Variants in DYNLT3 observed in about 807,000 individuals in gnomAD.
The protein encoded by DYNLT3 is dynein light chain Tctex-type 3, also known as protein 91/23.
In DYNLT3, 4 loss-of-function variants were observed where a neutral mutation model predicts 11.0. The observed-to-expected ratio is 0.36, with a 90% CI of 0.18 to 0.83. The LOEUF (loss-of-function observed/expected upper bound fraction) is 0.83. Ranked by LOEUF, DYNLT3 falls within the 40% of genes least tolerant of loss-of-function variation. The pLI is 0.47. For synonymous variants in DYNLT3, 37 were observed against 31.2 expected (o/e 1.18, Z -0.61); for missense variants, 91 against 91.1 (o/e 1.00, Z 0.01).
chrX:37,843,657 T>C (rs1315544540), intron 2 of DYNLT3, among the ~76,000 whole-genome samples: 1 of 111,730 alleles, frequency 9.0e-6, no homozygotes, highest in Non-Finnish European at 1.9e-5. Context: ...TCTTCGACGA[T>C]TTTTTGGGGA....
chrX:37,843,958 G>A (rs1455380989), intron 2 of DYNLT3, among the ~76,000 whole-genome samples: 4 of 111,806 alleles, frequency 3.6e-5, no homozygotes, highest in Non-Finnish European at 7.5e-5. Flanking sequence ...TTCATGGGAA[G>A]AGGAAAGATA....
chrX:37,842,090 G>C (rs1458599697), intron 2 of DYNLT3, among the ~76,000 whole-genome samples, 185 bp from the exon 3 acceptor site: 3 of 111,860 alleles, frequency 2.7e-5, no homozygotes, highest in African/African-American at 9.7e-5. Flanking sequence ...TAAGAGTTTT[G>C]AAAGAGTTTC....
rs1187459647 is a variant in DYNLT3 at position 37,839,844 on chromosome X, G to A, written c.*731C>T. On this transcript the variant is annotated 3_prime_UTR_variant, in exon 5 of 5. Coordinates refer to ENST00000378578, the MANE Select transcript of DYNLT3 (RefSeq NM_006520.3). The stretch of plus-strand genomic sequence containing the variant: ...TGCCCATAATAGGCATCTGATAAAT[G>A]TTTGTTCCACATGGAATGAGTGAAT... 1 of 112,393 alleles carries A rather than the reference G, an allele frequency of 8.9e-6. No homozygotes were observed. Among genetic ancestry groups the A allele is most frequent in the Admixed American group, 9.5e-5 (1 of 10,533 alleles). 9.3% of individuals were successfully genotyped at this position (112,393 alleles called of 1,213,427 possible).
Position 37,841,861 on chromosome X carries a change from G to C in DYNLT3, c.117C>G (p.Asn39Lys). 4 of 1,158,010 alleles carry C rather than the reference G, an allele frequency of 3.5e-6. No homozygotes were observed. Among genetic ancestry groups the C allele is most frequent in the Non-Finnish European group, 4.7e-6 (4 of 859,030 alleles). ...CTATGCTTGCAGTCCACTGGTTGAT[G>C]TTGTTGTGATTATAATCTTCACCAC... is the stretch of plus-strand genomic sequence containing the variant. ...VLGGEDYNHN[N>K]INQWTASIVE... The change falls in exon 3 of 5, where the codon AAC becomes AAG. Residue 39 changes from asparagine (N) to lysine (K), a missense_variant. Physicochemically the swap from Asn to Lys is moderately conservative, Grantham distance 94. Transcript: ENST00000378578.
In DYNLT3 at chrX:37,846,348, TTGAAG is replaced by T; in HGVS notation, c.36_40del (p.Phe13CysfsTer2). 1 of 1,208,048 alleles carries T rather than the reference TTGAAG, an allele frequency of 8.3e-7. No homozygotes were observed. The highest frequency in any genetic ancestry group is 1.7e-5 in the African/African-American group (1 of 57,702). ...GACAATATTGTGGGCTTCCTCAGCA[TTGAAG>T]CCAACCTAAAGGGAAAACAAAAGGT... On this transcript the variant is annotated frameshift_variant, in exon 2 of 5. Coordinates refer to ENST00000378578, the MANE Select transcript of DYNLT3 (RefSeq NM_006520.3). LOFTEE classifies it high-confidence loss of function.
At chrX:37,842,024 G>T (rs1199015901) in intron 2 of DYNLT3, 119 bp from the exon 3 acceptor site, 21 of 681,840 alleles carry the variant, frequency 3.1e-5, no homozygotes, top group Non-Finnish European at 4.2e-5. Context: ...GCTCAATAAG[G>T]CATCTTAGAA....
rs45560738 is a variant in DYNLT3 at position 37,839,235 on chromosome X, T to C, written c.*1340A>G. ...TTCCTCTCCAAAATTCAATGAGTTA[T>C]GGTTCCGCTCTCTATATGTATTAGT... is the stretch of plus-strand genomic sequence containing the variant. On this transcript the variant is annotated 3_prime_UTR_variant, in exon 5 of 5. Transcript: ENST00000378578. The C allele has an allele frequency of 0.025, 2,791 of 112,181 alleles. 43 individuals carry two copies. The highest frequency in any genetic ancestry group is 0.037 in the Non-Finnish European group (1,968 of 53,107). 9.2% of individuals were successfully genotyped at this position (112,181 alleles called of 1,213,427 possible).
intron 2 of DYNLT3, 121 bp downstream of exon 2, chrX:37,846,195 CA>C (rs1253620254): frequency 1.4e-6 from 1 of 734,565 alleles, no homozygotes; most frequent in African/African-American, 2.2e-5. Flanking sequence ...TAAAATAAAA[CA>C]AAACAAAATA....
chrX:37,847,155 C>G, intron 1 of DYNLT3: 1 of 1,137,773 alleles, frequency 8.8e-7, no homozygotes, highest in Non-Finnish European at 1.2e-6. Flanking sequence ...GACCCGTTTT[C>G]GAGGCCCGCC....
intron 2 of DYNLT3, among the ~76,000 whole-genome samples, chrX:37,845,050 G>A (rs1023037897): frequency 8.1e-5 from 9 of 111,690 alleles, no homozygotes; most frequent in African/African-American, 2.9e-4. Flanking sequence ...TTTCTTTTAT[G>A]TTCCATCAAC....
In DYNLT3 at chrX:37,841,869, GATTATAAT is replaced by G. The variant is rs1182101405; in HGVS notation, c.101_108del (p.Asp34AlafsTer21). On this transcript the variant is annotated frameshift_variant, in exon 3 of 5. Coordinates refer to ENST00000378578, the MANE Select transcript of DYNLT3 (RefSeq NM_006520.3). LOFTEE classifies it high-confidence loss of function. Reference sequence around the variant, plus strand: ...GCAGTCCACTGGTTGATGTTGTTGTGATTATAATCTTCACCACCTAAAACCCCATCTAC... The same window carrying G: ...GCAGTCCACTGGTTGATGTTGTTGTGCTTCACCACCTAAAACCCCATCTAC... 1 of 1,154,358 alleles carries G rather than the reference GATTATAAT, an allele frequency of 8.7e-7. No individual in the cohort carries two copies. The highest frequency in any genetic ancestry group is 1.8e-5 in the African/African-American group (1 of 57,003).
At chrX:37,842,922 A>G (rs1418814479) in intron 2 of DYNLT3, among the ~76,000 whole-genome samples, 1 of 112,157 alleles carries the variant, frequency 8.9e-6, no homozygotes, top group Non-Finnish European at 1.9e-5. Flanking sequence ...ACACACATGC[A>G]GCTTCATTTA....
chrX:37,840,020 A>T lies in DYNLT3; in HGVS notation c.*555T>A, dbSNP rs1448779203. 1 of 106,890 alleles carries T rather than the reference A, an allele frequency of 9.4e-6. No individual in the cohort carries two copies. The highest frequency in any genetic ancestry group is 1.0e-4 in the Admixed American group (1 of 9,987). 8.8% of individuals were successfully genotyped at this position (106,890 alleles called of 1,213,427 possible). A position where few individuals can be genotyped will look rare whatever the true frequency, so the allele number is the denominator to read the frequency against. The stretch of plus-strand genomic sequence containing the variant: ...AAAAATTGATTTACTAATCCTCAGA[A>T]AAAGTAAACAAGTTAATCATAGTTG... On this transcript the variant is annotated 3_prime_UTR_variant, in exon 5 of 5. Transcript: ENST00000378578.
rs770416498 is a variant in DYNLT3 at position 37,841,915 on chromosome X, C to T, written c.73-10G>A. ...AAACCCCATCTACACACTAAAAGGG[C>T]ACAGAGGGCAGTTAATTTAGTCAGT... On this transcript the variant is annotated splice_polypyrimidine_tract_variant and intron_variant, in intron 2 of 4. Transcript: ENST00000378578. 1.8e-6 allele frequency: 2 copies of T among 1,088,777 alleles called. No individual in the cohort carries two copies. Among genetic ancestry groups the T allele is most frequent in the South Asian group, 2.8e-5 (1 of 36,021 alleles). 89.7% of individuals were successfully genotyped at this position (1,088,777 alleles called of 1,213,427 possible).
At chrX:37,847,163 G>C in intron 1 of DYNLT3, 1 of 1,129,210 alleles carries the variant, frequency 8.9e-7, no homozygotes, top group African/African-American at 1.8e-5. Flanking sequence ...TTCGAGGCCC[G>C]CCCGGTAGGA....
intron 3 of DYNLT3, among the ~76,000 whole-genome samples, chrX:37,841,407 A>G (rs1432280316): frequency 1.8e-5 from 2 of 111,861 alleles, no homozygotes; most frequent in African/African-American, 6.5e-5. Flanking sequence ...TACCATGGGC[A>G]GAATTCAGAC....
At position 37,847,109 on chromosome X, in the gene DYNLT3, G is replaced by T. The variant is rs747255136; in HGVS notation, c.30+372C>A. ...GAGCCATGGGGGCTGCAGCACCCGC[G>T]CTGAGGAAGCCAAGGGACGGAGGCA... On this transcript the variant is annotated intron_variant, in intron 1 of 4. Transcript: ENST00000378578. The T allele has an allele frequency of 6.6e-5, 77 of 1,159,337 alleles. No homozygotes were observed. In the East Asian group the frequency reaches 2.3e-3, roughly 35 times the overall value.
At chrX:37,843,000 A>G (rs1399543556) in intron 2 of DYNLT3, among the ~76,000 whole-genome samples, 3 of 112,286 alleles carry the variant, frequency 2.7e-5, no homozygotes, top group Non-Finnish European at 5.6e-5. Context: ...ACACACATGC[A>G]GCTTTATTTA....
chrX:37,842,291 G>C (rs900172040), intron 2 of DYNLT3, among the ~76,000 whole-genome samples: 10 of 111,854 alleles, frequency 8.9e-5, no homozygotes, highest in African/African-American at 2.6e-4. Flanking sequence ...CTATCAATTG[G>C]TTAACAAGTA....
Sources: gnomAD v4.1 joint callset for allele counts (sites outside exome capture counted in the v4.1 genomes callset) on GRCh38, gnomAD v4.1.1 for gene constraint, MANE v1.5 for transcripts, NCBI Gene and HGNC (gene_info 2026-07-23, HGNC 2026-07-21) for gene names.